The following TRIM36 variants were observed in gnomAD, a reference collection of about 807,000 sequenced individuals.
TRIM36 encodes the protein E3 ubiquitin-protein ligase TRIM36.
In TRIM36, 42 loss-of-function variants were observed where a neutral mutation model predicts 72.4. The observed-to-expected ratio is 0.58, with a 90% CI of 0.45 to 0.75. TRIM36 has a LOEUF of 0.75. Among genes scored for constraint, TRIM36 ranks in the 30% least tolerant of loss-of-function variants. TRIM36 has a pLI of 0.00. For missense variants in TRIM36, 913 were observed against 857.1 expected (o/e 1.07, Z -0.81); for synonymous variants, 315 against 282.8 (o/e 1.11, Z -1.14).
rs148905054 is a variant in TRIM36 at position 115,160,292 on chromosome 5, A to G, written c.262+3226T>C. Among the ~76,000 whole-genome samples, 524 of 152,352 alleles carry G rather than the reference A, an allele frequency of 3.4e-3. 5 individuals carry two copies. The highest frequency in any genetic ancestry group is 0.012 in the African/African-American group (512 of 41,590). ...CAATATACGTAAGTTTAAATTTTCC[A>G]GTAGCCATATTAAAAAAATTGAAAT... On this transcript the variant is annotated intron_variant, in intron 2 of 9. Coordinates refer to ENST00000513154, the MANE Select transcript of TRIM36 (RefSeq NM_001300759.2).
At chr5:115,171,473 C>CTA (rs761656335), upstream of TRIM36, among the ~76,000 whole-genome samples, 28 of 151,962 alleles carry the variant, frequency 1.8e-4, no homozygotes, top group South Asian at 1.2e-3. Context: ...AATTAGGTGC[C>CTA]TATATATATA....
In TRIM36 at chr5:115,138,956, C is replaced by T. The variant is rs1204578822; in HGVS notation, c.832-1340G>A. ...TCAGCCTCCCGAGTAGCTGGGACTA[C>T]GGGCGCCCGCCACCACACCCTACTA... is the stretch of plus-strand genomic sequence containing the variant. On this transcript the variant is annotated intron_variant, in intron 5 of 9. Coordinates refer to ENST00000513154, the MANE Select transcript of TRIM36 (RefSeq NM_001300759.2). 4.6e-5 allele frequency among the ~76,000 whole-genome samples: 7 copies of T among 151,952 alleles called. No homozygotes were observed. In the East Asian group the frequency reaches 9.7e-4, roughly 21 times the overall value.
At chr5:115,179,996 C>G (rs1755545151) in exon 1 of TRIM36, 1 of 1,614,002 alleles carries the variant, frequency 6.2e-7, no homozygotes, top group East Asian at 2.2e-5. Context: ...CTATCAATTC[C>G]ATGATGTAGC....
chr5:115,126,336 G>T lies in TRIM36; in HGVS notation c.*167C>A. On this transcript the variant is annotated 3_prime_UTR_variant, in exon 10 of 10. Transcript: ENST00000513154. ...CATCATTTGTGAAAGGCAGAACAAC[G>T]ACATGAAGACACAAGGCTGTTTAGA... The T allele has an allele frequency of 1.7e-6, 1 of 576,902 alleles. No individual in the cohort carries two copies. 35.7% of individuals were successfully genotyped at this position (576,902 alleles called of 1,614,324 possible). A position where few individuals can be genotyped will look rare whatever the true frequency, so the allele number is the denominator to read the frequency against.
chr5:115,134,076 G>C lies in TRIM36; in HGVS notation c.1282C>G (p.Pro428Ala), dbSNP rs1042320459. The change falls in exon 8 of 10, where the codon CCA becomes GCA. Residue 428 changes from proline (P) to alanine (A), a missense_variant. Coordinates refer to ENST00000513154, the MANE Select transcript of TRIM36 (RefSeq NM_001300759.2). ...YNNALINWHH[P>A]EKDKADSYVL... Reference sequence around the variant, plus strand: ...TAGCTATCAGCTTTATCCTTTTCTGGATGGTGCCAATTTATCAAGGCATTG... The same window carrying C: ...TAGCTATCAGCTTTATCCTTTTCTGCATGGTGCCAATTTATCAAGGCATTG... 3 of 1,612,818 alleles carry C rather than the reference G, an allele frequency of 1.9e-6. No individual in the cohort carries two copies. Among genetic ancestry groups the C allele is most frequent in the African/African-American group, 2.7e-5 (2 of 74,824 alleles).
In TRIM36 at chr5:115,128,936, A is replaced by T. The variant is rs995560627; in HGVS notation, c.1796+1656T>A. Among the ~76,000 whole-genome samples, 5 of 152,272 alleles carry T rather than the reference A, an allele frequency of 3.3e-5. No individual in the cohort carries two copies. In the East Asian group the frequency reaches 9.6e-4, roughly 29 times the overall value. ...TTCAAATTCACTCATGGATGCACCC[A>T]GAGAACTTCCAGTCCTGCAAGCTCC... On this transcript the variant is annotated intron_variant, in intron 9 of 9. Coordinates refer to ENST00000513154, the MANE Select transcript of TRIM36 (RefSeq NM_001300759.2).
At position 115,137,503 on chromosome 5, in the gene TRIM36, T is replaced by C. The variant is rs1189708544; in HGVS notation, c.945A>G (p.Leu315=). The C allele has an allele frequency of 6.2e-7, 1 of 1,614,048 alleles. No homozygotes were observed. Among genetic ancestry groups the C allele is most frequent in the African/African-American group, 1.3e-5 (1 of 74,918 alleles). The change falls in exon 6 of 10, where the codon CTA becomes CTG. Residue 315 remains leucine, a synonymous_variant. Coordinates refer to ENST00000513154, the MANE Select transcript of TRIM36 (RefSeq NM_001300759.2). ...TTTGAGTCTGAAATTTGTCTAATCT[T>C]AGTTTCTTAGAGGAGTCAATTGCTT... The part of the protein sequence containing the change: ...VLKAIDSSKK[L]RLDKFQTQME...
chr5:115,159,602 T>C, intron 2 of TRIM36: 4 of 450,880 alleles, frequency 8.9e-6, no homozygotes, highest in South Asian at 6.3e-5. Flanking sequence ...TCTAACACTA[T>C]ATTGCCTGCG....
Position 115,126,578 on chromosome 5 carries a change from T to G in TRIM36, c.2076A>C (p.Ala692=), listed in dbSNP as rs139179327. Reference sequence around the variant, plus strand: ...GCTGAATTCCTCCACTGCCCATTAATGCAAATGCTGGATACAGTGTATGTG... The same window carrying G: ...GCTGAATTCCTCCACTGCCCATTAAGGCAAATGCTGGATACAGTGTATGTG... ...DCSHTLYPAF[A]LMGSGGIQLE... Residue 692 remains alanine (A), a synonymous_variant, in exon 10 of 10, where the codon GCA becomes GCC. Coordinates refer to ENST00000513154, the MANE Select transcript of TRIM36 (RefSeq NM_001300759.2). 8.7e-6 allele frequency: 14 copies of G among 1,613,928 alleles called. No individual in the cohort carries two copies. In the African/African-American group the frequency reaches 1.1e-4, roughly 12 times the overall value.
intron 8 of TRIM36, among the ~76,000 whole-genome samples, chr5:115,131,507 C>T (rs1272390317): frequency 6.6e-6 from 1 of 152,144 alleles, no homozygotes; most frequent in Non-Finnish European, 1.5e-5. Flanking sequence ...TCCCATAAGT[C>T]TGTATCAACT....
Position 115,126,554 on chromosome 5 carries a change from C to T in TRIM36, c.2100G>A (p.Gln700=). Residue 700 remains glutamine, a synonymous_variant, in exon 10 of 10, where the codon CAG becomes CAA. Transcript: ENST00000513154. ...ATTTTGCTGTGATGGGTTCTTCAAG[C>T]TGAATTCCTCCACTGCCCATTAATG... ...AFALMGSGGI[Q]LEEPITAKYL... 6.2e-7 allele frequency: 1 copy of T among 1,613,178 alleles called. No individual in the cohort carries two copies. Among genetic ancestry groups the T allele is most frequent in the Non-Finnish European group, 8.5e-7 (1 of 1,179,220 alleles).
intron 6 of TRIM36, 89 bp from the exon 7 acceptor site, chr5:115,137,213 C>G (rs966497174): frequency 6.1e-6 from 9 of 1,476,140 alleles, no homozygotes; most frequent in Non-Finnish European, 8.1e-6. Flanking sequence ...ATAAAACCCA[C>G]ACTTCACTCA....
chr5:115,139,497 T>A (rs1753157794), intron 5 of TRIM36, among the ~76,000 whole-genome samples: 1 of 152,194 alleles, frequency 6.6e-6, no homozygotes, highest in Non-Finnish European at 1.5e-5. Context: ...CCAACACCTA[T>A]AATGAAAGGA....
rs756820112 is a variant in TRIM36, at chr5:115,137,592, C to T, written c.856G>A (p.Glu286Lys). The change falls in exon 6 of 10, where the codon GAA becomes AAA. Residue 286 changes from glutamate (E) to lysine (K), a missense_variant. By Grantham distance (56) the Glu-to-Lys change is moderately conservative. Coordinates refer to ENST00000513154, the MANE Select transcript of TRIM36 (RefSeq NM_001300759.2). ...AGCTTTTCAAAATGTGTAATTGCTTCTTCTTTAGCCCTCTCTCCATTACAC... is the reference window on the plus strand; with the variant it reads ...AGCTTTTCAAAATGTGTAATTGCTTTTTCTTTAGCCCTCTCTCCATTACAC... ...TECNGERAKEEAITHFEKLFE... is the reference protein window; with the variant it reads ...TECNGERAKEKAITHFEKLFE... 5.0e-6 allele frequency: 8 copies of T among 1,610,556 alleles called. No individual in the cohort carries two copies. In the East Asian group the frequency reaches 6.7e-5, roughly 13 times the overall value.
chr5:115,160,291 C>T (rs1183773354), intron 2 of TRIM36, among the ~76,000 whole-genome samples: 1 of 152,020 alleles, frequency 6.6e-6, no homozygotes, highest in Non-Finnish European at 1.5e-5. Flanking sequence ...TTAAATTTTC[C>T]AGTAGCCATA....
At chr5:115,161,665 G>A (rs1339111774) in intron 2 of TRIM36, among the ~76,000 whole-genome samples, 7 of 152,138 alleles carry the variant, frequency 4.6e-5, no homozygotes, top group Non-Finnish European at 8.8e-5. Flanking sequence ...AGTGGTTACT[G>A]CCCCCTTTAA....
chr5:115,180,281 C>T (rs1264162090), upstream of TRIM36: 2 of 422,318 alleles, frequency 4.7e-6, no homozygotes, highest in Admixed American at 4.4e-5. Flanking sequence ...CGGGGCTGCG[C>T]GATCTAACGG....
At chr5:115,139,372 C>T (rs1482155012) in intron 5 of TRIM36, among the ~76,000 whole-genome samples, 1 of 152,152 alleles carries the variant, frequency 6.6e-6, no homozygotes, top group Non-Finnish European at 1.5e-5. Flanking sequence ...CCGCCCGCCT[C>T]GGCCTCCCAA....
intron 3 of TRIM36, among the ~76,000 whole-genome samples, chr5:115,145,000 G>A (rs910343584): frequency 2.6e-5 from 4 of 152,062 alleles, no homozygotes; most frequent in Non-Finnish European, 2.9e-5. Context: ...GCCTGATCTC[G>A]TCATAATATA....
Sources: allele counts gnomAD v4.1 joint callset (sites outside exome capture counted in the v4.1 genomes callset), GRCh38; gene constraint gnomAD v4.1.1; transcripts MANE v1.5; gene names NCBI Gene and HGNC (gene_info 2026-07-23, HGNC 2026-07-21).